IQCM: variants seen among roughly 807,000 people sequenced by gnomAD.
IQCM encodes IQ motif containing M, also known as IQ domain-containing protein M.
In IQCM, 45 loss-of-function variants were observed where a neutral mutation model predicts 57.6. That is an observed-to-expected ratio of 0.78 (90% CI 0.62 to 1.00). IQCM has a LOEUF of 1.00. Ranked by LOEUF, IQCM falls within the 50% of genes least tolerant of loss-of-function variation. IQCM has a pLI of 0.00. For synonymous variants in IQCM, 148 were observed against 158.9 expected, an observed-to-expected ratio of 0.93 and a Z score of 0.51; for missense variants, 468 against 511.6, an observed-to-expected ratio of 0.91 and a Z score of 0.82.
intron 2 of IQCM, among the ~76,000 whole-genome samples, chr4:149,810,253 T>G (rs1774437066): frequency 6.6e-6 from 1 of 151,322 alleles, no homozygotes; most frequent in Non-Finnish European, 1.5e-5. Context: ...TTCCAGCTAC[T>G]TGGGAGGCTG....
At chr4:149,725,472 A>G (rs1317865030) in intron 5 of IQCM, among the ~76,000 whole-genome samples, 1 of 152,208 alleles carries the variant, frequency 6.6e-6, no homozygotes, top group Non-Finnish European at 1.5e-5. Context: ...TAATTCAAAT[A>G]TAAACTCAAA....
intron 8 of IQCM, among the ~76,000 whole-genome samples, chr4:149,610,915 A>G (rs7669895): frequency 0.22 from 33,765 of 152,058 alleles, 4,382 homozygotes; most frequent in South Asian, 0.48. Flanking sequence ...AGAAATCAAC[A>G]AAGTAGAGAC....
chr4:149,525,780 A>C (rs1474315001), intron 12 of IQCM, among the ~76,000 whole-genome samples: 1 of 151,968 alleles, frequency 6.6e-6, no homozygotes, highest in Admixed American at 6.6e-5. Flanking sequence ...TAAAGATTTC[A>C]TATTACCAAA....
chr4:149,553,019 A>G, intron 11 of IQCM, 124 bp downstream of exon 11: 1 of 646,932 alleles, frequency 1.5e-6, no homozygotes. Flanking sequence ...CTTAAAATGC[A>G]AATTGCTTAC....
intron 7 of IQCM, among the ~76,000 whole-genome samples, chr4:149,637,261 A>T (rs1215232250): frequency 1.3e-5 from 2 of 152,104 alleles, no homozygotes; most frequent in Non-Finnish European, 2.9e-5. Flanking sequence ...ACAATTAGAA[A>T]AATGTAAAAT....
At chr4:149,665,115 A>G (rs1317087539) in intron 7 of IQCM, among the ~76,000 whole-genome samples, 2 of 152,188 alleles carry the variant, frequency 1.3e-5, no homozygotes, top group African/African-American at 4.8e-5. Flanking sequence ...GGAAAGAGTC[A>G]GTGGCTACTG....
intron 2 of IQCM, among the ~76,000 whole-genome samples, chr4:149,794,148 G>T (rs985549494): frequency 2.0e-5 from 3 of 152,198 alleles, no homozygotes; most frequent in Non-Finnish European, 4.4e-5. Context: ...ACCCAGAAAG[G>T]ATTTAACCAC....
chr4:149,657,655 C>T (rs1271073179), intron 7 of IQCM, among the ~76,000 whole-genome samples: 2 of 152,060 alleles, frequency 1.3e-5, no homozygotes, highest in African/African-American at 4.8e-5. Context: ...TTCTCTATAT[C>T]TTCGTTAATA....
At chr4:149,471,490 A>T (rs1739536263) in intron 12 of IQCM, among the ~76,000 whole-genome samples, 1 of 152,164 alleles carries the variant, frequency 6.6e-6, no homozygotes, top group African/African-American at 2.4e-5. Context: ...CCTAGCAACT[A>T]AAAAAAGTCC....
At chr4:149,583,930 T>C (rs925466051) in intron 9 of IQCM, among the ~76,000 whole-genome samples, 6 of 151,314 alleles carry the variant, frequency 4.0e-5, no homozygotes, top group Non-Finnish European at 5.9e-5. Context: ...AGTTGAAAAA[T>C]ATGATGCTAG....
At chr4:149,378,496 A>G (rs1216618969) in intron 13 of IQCM, among the ~76,000 whole-genome samples, 1 of 152,144 alleles carries the variant, frequency 6.6e-6, no homozygotes, top group African/African-American at 2.4e-5. Context: ...ACTGAAGCAA[A>G]GGTGACTCAT....
chr4:149,620,591 T>G (rs1480799188), intron 8 of IQCM, among the ~76,000 whole-genome samples: 3 of 152,242 alleles, frequency 2.0e-5, no homozygotes, highest in African/African-American at 7.2e-5. Flanking sequence ...TCTTCTACTA[T>G]TCACATGTAT....
chr4:149,756,081 T>C (rs1233101861), intron 2 of IQCM, among the ~76,000 whole-genome samples: 1 of 152,208 alleles, frequency 6.6e-6, no homozygotes, highest in Non-Finnish European at 1.5e-5. Context: ...ATCAAGCTAC[T>C]GATAATTAGG....
chr4:149,472,356 G>A (rs1448318989), intron 12 of IQCM, among the ~76,000 whole-genome samples: 4 of 152,108 alleles, frequency 2.6e-5, no homozygotes, highest in Non-Finnish European at 5.9e-5. Context: ...AATCATGAGT[G>A]AACTCCCATT....
At chr4:149,774,200 T>G (rs542783287) in intron 2 of IQCM, among the ~76,000 whole-genome samples, 16 of 152,248 alleles carry the variant, frequency 1.1e-4, no homozygotes, top group African/African-American at 3.1e-4. Context: ...AAAAAATTTT[T>G]TTTATTGTGG....
chr4:149,565,167 C>G (rs2149942485), intron 9 of IQCM, among the ~76,000 whole-genome samples: 1 of 152,156 alleles, frequency 6.6e-6, no homozygotes, highest in East Asian at 1.9e-4. Context: ...GAGTCTTGCC[C>G]CAAAAATGAT....
At chr4:149,503,977 G>C (rs1043863579) in intron 12 of IQCM, among the ~76,000 whole-genome samples, 1 of 151,962 alleles carries the variant, frequency 6.6e-6, no homozygotes, top group Non-Finnish European at 1.5e-5. Context: ...AAACAAATTA[G>C]CAAATCACCC....
chr4:149,697,938 A>G (rs1763461553), intron 5 of IQCM, among the ~76,000 whole-genome samples: 1 of 152,120 alleles, frequency 6.6e-6, no homozygotes, highest in South Asian at 2.1e-4. Flanking sequence ...TTTCTAACTC[A>G]CATATAGCAT....
At chr4:149,805,707 T>C (rs775991091) in intron 2 of IQCM, among the ~76,000 whole-genome samples, 23 of 152,150 alleles carry the variant, frequency 1.5e-4, no homozygotes, top group Middle Eastern at 3.4e-3. Context: ...TTGCAAATGG[T>C]TAAATATTTC....
Sources: allele counts gnomAD v4.1 joint callset (sites outside exome capture counted in the v4.1 genomes callset), GRCh38; gene constraint gnomAD v4.1.1; transcripts MANE v1.5; gene names NCBI Gene and HGNC (gene_info 2026-07-23, HGNC 2026-07-21).